Variants in DOK6 observed in about 807,000 individuals in gnomAD.
DOK6 encodes the protein docking protein 6, also known as downstream of tyrosine kinase 6.
A neutral mutation model predicts 44.0 loss-of-function variants in DOK6; 22 were observed. The ratio of observed to expected loss-of-function variants is 0.50; its 90% CI spans 0.36 to 0.71. DOK6 has a LOEUF of 0.71. Ranked by LOEUF, DOK6 falls within the 30% of genes least tolerant of loss-of-function variation. The probability of loss-of-function intolerance (pLI) is 0.00; values close to 1 mark genes in which losing one functional copy is unlikely to be tolerated. For missense variants in DOK6, 340 were observed against 416.4 expected (o/e 0.82, Z 1.60); for synonymous variants, 166 against 145.5 (o/e 1.14, Z -1.01).
rs561692675 is a variant in DOK6, at chr18:69,459,187, T to G, written c.66+57877T>G. On this transcript the variant is annotated intron_variant, in intron 1 of 7. Transcript: ENST00000382713. ...GTGAGAAATCTCAAAAAAAAATATTTTGTGTGTGTGTGTGTGTGTGTGTGT... is the reference window on the plus strand; with the variant it reads ...GTGAGAAATCTCAAAAAAAAATATTGTGTGTGTGTGTGTGTGTGTGTGTGT... 4.0e-3 allele frequency among the ~76,000 whole-genome samples: 546 copies of G among 136,958 alleles called. 6 individuals carry two copies. Among genetic ancestry groups the G allele is most frequent in the Middle Eastern group, 0.04 (11 of 276 alleles). The allele number at this position is 136,958 out of a possible 152,430, so 89.8% of individuals were successfully genotyped here. A position where few individuals can be genotyped will look rare whatever the true frequency, so the allele number is the denominator to read the frequency against.
intron 7 of DOK6, among the ~76,000 whole-genome samples, chr18:69,765,718 T>C (rs1979694126): frequency 6.6e-6 from 1 of 152,198 alleles, no homozygotes; most frequent in Non-Finnish European, 1.5e-5. Context: ...TCTTGAGTTC[T>C]GGAGTCAAAT....
chr18:69,757,529 C>A (rs1979394707), intron 6 of DOK6, among the ~76,000 whole-genome samples: 1 of 152,162 alleles, frequency 6.6e-6, no homozygotes, highest in Non-Finnish European at 1.5e-5. Context: ...ATCATTCGTA[C>A]CATCTTAATG....
In DOK6 at chr18:69,650,893, A is replaced by G. The variant is rs1312893348; in HGVS notation, c.290-26841A>G. On this transcript the variant is annotated intron_variant, in intron 3 of 7. Coordinates refer to ENST00000382713, the MANE Select transcript of DOK6 (RefSeq NM_152721.6). ...TCCTTTGACTGTTTTCTTTGGTATA[A>G]TAGCCTGTCCATATTTTATTCATTG... 4.6e-5 allele frequency among the ~76,000 whole-genome samples: 7 copies of G among 152,220 alleles called. No individual in the cohort carries two copies. In the East Asian group the frequency reaches 1.2e-3, roughly 25 times the overall value.
intron 1 of DOK6, among the ~76,000 whole-genome samples, chr18:69,461,161 T>G (rs1979776793): frequency 6.6e-6 from 1 of 152,198 alleles, no homozygotes; most frequent in African/African-American, 2.4e-5. Context: ...TGAACACATA[T>G]ACTTCAGAAA....
intron 2 of DOK6, among the ~76,000 whole-genome samples, chr18:69,566,136 TTTATTTATTTAC>T (rs1214438980): frequency 9.9e-6 from 1 of 100,738 alleles, no homozygotes; most frequent in East Asian, 4.7e-4. Flanking sequence ...TATTTATTTA[TTTATTTATTTAC>T]TTATTTATAG....
chr18:69,584,577 CCA>C (rs1983454318), intron 2 of DOK6, among the ~76,000 whole-genome samples: 1 of 152,128 alleles, frequency 6.6e-6, no homozygotes, highest in African/African-American at 2.4e-5. Context: ...CAGGAGTGAG[CCA>C]CCGCGCCCAG....
At chr18:69,473,809 C>G (rs902766060) in intron 1 of DOK6, among the ~76,000 whole-genome samples, 1 of 152,208 alleles carries the variant, frequency 6.6e-6, no homozygotes, top group African/African-American at 2.4e-5. Context: ...ATGGAATCCA[C>G]TGGAGGGAAA....
intron 7 of DOK6, among the ~76,000 whole-genome samples, chr18:69,805,330 T>C (rs377042845): frequency 1.3e-5 from 2 of 151,862 alleles, no homozygotes; most frequent in African/African-American, 4.8e-5. Flanking sequence ...TTATAGAGGG[T>C]GGAGATGGGG....
intron 3 of DOK6, among the ~76,000 whole-genome samples, chr18:69,639,496 C>T (rs2144652965): frequency 6.6e-6 from 1 of 152,272 alleles, no homozygotes; most frequent in South Asian, 2.1e-4. Context: ...CCCAGTTTTC[C>T]TTTTCATAGC....
At chr18:69,644,453 A>C (rs1156790018) in intron 3 of DOK6, among the ~76,000 whole-genome samples, 1 of 152,174 alleles carries the variant, frequency 6.6e-6, no homozygotes, top group Non-Finnish European at 1.5e-5. Context: ...GTGAGGTTTA[A>C]GTCAAGATTA....
intron 3 of DOK6, among the ~76,000 whole-genome samples, chr18:69,666,934 A>G (rs1477284633): frequency 6.6e-6 from 1 of 152,118 alleles, no homozygotes; most frequent in African/African-American, 2.4e-5. Context: ...AAGTCTGCCT[A>G]TCTGCAGGCT....
intron 1 of DOK6, among the ~76,000 whole-genome samples, chr18:69,451,186 C>T (rs1202399524): frequency 2.0e-5 from 3 of 148,004 alleles, no homozygotes; most frequent in Non-Finnish European, 3.0e-5. Context: ...CAGAGACACA[C>T]ATAGGCTCAA....
chr18:69,446,877 A>G (rs1979309814), intron 1 of DOK6, among the ~76,000 whole-genome samples: 1 of 152,112 alleles, frequency 6.6e-6, no homozygotes, highest in Admixed American at 6.5e-5. Context: ...GTCTGTTCAT[A>G]TCCTTTGCCT....
intron 2 of DOK6, among the ~76,000 whole-genome samples, chr18:69,591,845 A>G (rs1297112802): frequency 6.6e-6 from 1 of 152,118 alleles, no homozygotes; most frequent in Non-Finnish European, 1.5e-5. Context: ...AGAAAGAATC[A>G]AAGGAGACTA....
intron 1 of DOK6, among the ~76,000 whole-genome samples, chr18:69,474,936 C>T (rs1157655418): frequency 6.6e-6 from 1 of 152,098 alleles, no homozygotes; most frequent in African/African-American, 2.4e-5. Flanking sequence ...ACAATGTATC[C>T]ATTCTAGATA....
chr18:69,705,190 A>T (rs1465447050), intron 5 of DOK6: 1 of 152,206 alleles, frequency 6.6e-6, no homozygotes, highest in Non-Finnish European at 1.5e-5. Context: ...CTCAGTCCAC[A>T]TTCTACCCTG....
chr18:69,726,888 T>C (rs1185673382), intron 5 of DOK6, among the ~76,000 whole-genome samples: 3 of 151,266 alleles, frequency 2.0e-5, no homozygotes, highest in Non-Finnish European at 4.4e-5. Context: ...AGAGCCTCAC[T>C]CTGTCACCCA....
At chr18:69,467,462 T>C (rs906438920) in intron 1 of DOK6, among the ~76,000 whole-genome samples, 28 of 152,178 alleles carry the variant, frequency 1.8e-4, no homozygotes, top group African/African-American at 6.5e-4. Flanking sequence ...CTATAGGAAG[T>C]ATAATATATG....
intron 6 of DOK6, among the ~76,000 whole-genome samples, chr18:69,750,340 A>G (rs17081569): frequency 0.063 from 9,570 of 152,138 alleles, 437 homozygotes; most frequent in Admixed American, 0.13. Context: ...TTATAGAACC[A>G]TAGAACAGTC....
Sources: gnomAD v4.1 joint callset for allele counts (sites outside exome capture counted in the v4.1 genomes callset) on GRCh38, gnomAD v4.1.1 for gene constraint, MANE v1.5 for transcripts, NCBI Gene and HGNC (gene_info 2026-07-23, HGNC 2026-07-21) for gene names.